Variants in SLC13A3 observed in about 807,000 individuals in gnomAD.
SLC13A3 encodes Na(+)/dicarboxylate cotransporter 3.
SLC13A3 carries 40 observed loss-of-function variants against 59.0 expected under a neutral mutation model. The ratio of observed to expected loss-of-function variants is 0.68; its 90% CI spans 0.53 to 0.88. The LOEUF (loss-of-function observed/expected upper bound fraction) is 0.88, where lower values mean the gene tolerates loss of function less well. SLC13A3 is among the 40% of genes least tolerant of loss of function. The pLI, the probability that SLC13A3 is intolerant of heterozygous loss-of-function variation, is 0.00. For synonymous variants in SLC13A3, 317 were observed against 330.3 expected, an observed-to-expected ratio of 0.96 and a Z score of 0.44; for missense variants, 699 against 783.2, an observed-to-expected ratio of 0.89 and a Z score of 1.28.
At chr20:46,582,990 C>T in intron 9 of SLC13A3, 3 of 985,636 alleles carry the variant, frequency 3.0e-6, no homozygotes, top group Admixed American at 6.1e-5. Flanking sequence ...CAGTCCCCAA[C>T]ACTTCCTATA....
intron 11 of SLC13A3, among the ~76,000 whole-genome samples, chr20:46,564,566 G>A (rs774431094): frequency 3.0e-4 from 45 of 152,176 alleles, no homozygotes; most frequent in Admixed American, 1.6e-3. Context: ...CTCCGTCTCC[G>A]TCCCCATACC....
intron 9 of SLC13A3, chr20:46,583,018 G>C: frequency 1.0e-6 from 1 of 986,050 alleles, no homozygotes; most frequent in Non-Finnish European, 1.2e-6. Flanking sequence ...AACCCAGCTT[G>C]TGTTTTCCAT....
intron 10 of SLC13A3, among the ~76,000 whole-genome samples, chr20:46,569,867 T>A (rs1236863046): frequency 6.6e-6 from 1 of 152,206 alleles, no homozygotes; most frequent in Admixed American, 6.5e-5. Flanking sequence ...GTCTTTGATA[T>A]ACAGTAGAGG....
chr20:46,666,562 C>T (rs578137704), intron 1 of SLC13A3, among the ~76,000 whole-genome samples: 2 of 151,824 alleles, frequency 1.3e-5, no homozygotes, highest in Non-Finnish European at 2.9e-5. Context: ...GGAGTGCAGT[C>T]GTGTGATCAC....
rs567094645 is a variant in SLC13A3 at position 46,621,018 on chromosome 20, C to T, written c.112-7293G>A. ...TGGCCATCAAGAGTTGGAAGTGGTC[C>T]GGTCAAAGCAAAAGTGAACTGGTCA... On this transcript the variant is annotated intron_variant, in intron 1 of 12. Transcript: ENST00000279027. Among the ~76,000 whole-genome samples the T allele has an allele frequency of 5.9e-5, 9 of 152,310 alleles. No homozygotes were observed. In the East Asian group the frequency reaches 1.5e-3, roughly 26 times the overall value.
intron 1 of SLC13A3, among the ~76,000 whole-genome samples, chr20:46,679,698 G>A (rs1050681631): frequency 4.0e-5 from 6 of 151,810 alleles, no homozygotes; most frequent in African/African-American, 1.5e-4. Flanking sequence ...ATTTGAGGCG[G>A]GACTTTGAGA....
At chr20:46,600,068 T>C in intron 3 of SLC13A3, 31 bp from the exon 4 acceptor site, 1 of 1,530,044 alleles carries the variant, frequency 6.5e-7, no homozygotes, top group Non-Finnish European at 8.9e-7. Flanking sequence ...GTCTTTAATG[T>C]AATGTAGCGA....
chr20:46,591,329 C>T (rs576180280), intron 6 of SLC13A3, among the ~76,000 whole-genome samples: 11 of 152,242 alleles, frequency 7.2e-5, no homozygotes, highest in African/African-American at 1.4e-4. Context: ...GGGAGGATAT[C>T]GTGGCAGAAG....
In SLC13A3 at chr20:46,617,594, G is replaced by A. The variant is rs73622681; in HGVS notation, c.112-3869C>T. Reference sequence around the variant, plus strand: ...AATTGGCTCTCTGAAAAACTTGTGTGTGTGTGTGTGTGTGCGTGTGTGTGT... The same window carrying A: ...AATTGGCTCTCTGAAAAACTTGTGTATGTGTGTGTGTGTGCGTGTGTGTGT... On this transcript the variant is annotated intron_variant, in intron 1 of 12. Coordinates refer to ENST00000279027, the MANE Select transcript of SLC13A3 (RefSeq NM_022829.6). 3.1e-4 allele frequency among the ~76,000 whole-genome samples: 18 copies of A among 58,876 alleles called. No individual in the cohort carries two copies. In the East Asian group the frequency reaches 6.4e-3, roughly 21 times the overall value. The allele number at this position is 58,876 out of a possible 152,430, so 38.6% of individuals were successfully genotyped here.
chr20:46,647,228 G>A (rs1029114999), intron 1 of SLC13A3, among the ~76,000 whole-genome samples: 2 of 152,178 alleles, frequency 1.3e-5, no homozygotes, highest in Admixed American at 6.5e-5. Flanking sequence ...CAGCCTTGCC[G>A]AGAGCATCCC....
chr20:46,664,719 G>A (rs999042267), intron 1 of SLC13A3, among the ~76,000 whole-genome samples: 1 of 152,174 alleles, frequency 6.6e-6, no homozygotes, highest in African/African-American at 2.4e-5. Context: ...TGGAGGTGCT[G>A]TTGTAGATAA....
intron 10 of SLC13A3, among the ~76,000 whole-genome samples, chr20:46,569,135 C>T (rs143480859): frequency 6.6e-6 from 1 of 152,282 alleles, no homozygotes; most frequent in Non-Finnish European, 1.5e-5. Context: ...AGGCACACAA[C>T]ACCATGTTTG....
intron 1 of SLC13A3, among the ~76,000 whole-genome samples, chr20:46,632,998 CATCT>C (rs965546433): frequency 4.6e-5 from 7 of 151,496 alleles, no homozygotes; most frequent in African/African-American, 9.7e-5. Context: ...ATCTATCTAT[CATCT>C]ATCTATCTGG....
chr20:46,577,909 A>G (rs547920801), intron 9 of SLC13A3, among the ~76,000 whole-genome samples: 35 of 152,330 alleles, frequency 2.3e-4, no homozygotes, highest in African/African-American at 8.4e-4. Flanking sequence ...TCGGAGACTT[A>G]CTGGAAAGAA....
intron 1 of SLC13A3, among the ~76,000 whole-genome samples, chr20:46,635,831 C>T (rs2062790541): frequency 6.6e-6 from 1 of 152,200 alleles, no homozygotes; most frequent in African/African-American, 2.4e-5. Context: ...TGGCCAAAAC[C>T]AAGATGGCAA....
At chr20:46,624,743 G>A (rs912657829) in intron 1 of SLC13A3, among the ~76,000 whole-genome samples, 4 of 152,190 alleles carry the variant, frequency 2.6e-5, no homozygotes, top group Non-Finnish European at 5.9e-5. Flanking sequence ...AACCCTAGCT[G>A]GACCAACATT....
At chr20:46,656,230 C>A (rs1035473677), upstream of SLC13A3, among the ~76,000 whole-genome samples, 3 of 141,632 alleles carry the variant, frequency 2.1e-5, no homozygotes, top group African/African-American at 7.7e-5. Context: ...GTGATGTAGA[C>A]TGTACAGTAT....
intron 2 of SLC13A3, among the ~76,000 whole-genome samples, chr20:46,612,491 A>G (rs1347246275): frequency 6.6e-6 from 1 of 152,144 alleles, no homozygotes; most frequent in Admixed American, 6.5e-5. Flanking sequence ...TTGAAATATC[A>G]TCGACACTCA....
rs1334218899 is a variant in SLC13A3, at chr20:46,613,722, C to T, written c.115G>A (p.Gly39Ser). The change falls in exon 2 of 13, where the codon GGC (glycine) becomes AGC (serine). Residue 39 changes from glycine (G) to serine (S), a missense_variant. By Grantham distance (56) the Gly-to-Ser change is moderately conservative (BLOSUM62 0). Transcript: ENST00000279027. ...PVVFALPPKE[G>S]RCLFVILLMA... The stretch of plus-strand genomic sequence containing the variant: ...AGCAGGATGACAAACAAGCAGCGGC[C>T]TTCCTGCAGGAGGAGATGCATGCTC... 3 of 1,596,958 alleles carry T rather than the reference C, an allele frequency of 1.9e-6. No homozygotes were observed. Among genetic ancestry groups the T allele is most frequent in the East Asian group, 2.3e-5 (1 of 43,718 alleles).
Sources: allele counts gnomAD v4.1 joint callset (sites outside exome capture counted in the v4.1 genomes callset), GRCh38; gene constraint gnomAD v4.1.1; transcripts MANE v1.5; gene names NCBI Gene and HGNC (gene_info 2026-07-23, HGNC 2026-07-21).